Variants in CBL observed in about 807,000 individuals in gnomAD.
The protein encoded by CBL is Cbl proto-oncogene, also known as E3 ubiquitin-protein ligase CBL.
Under a neutral mutation model 96.9 loss-of-function variants are expected in CBL, and 45 were observed. That is an observed-to-expected ratio of 0.46 (90% confidence interval 0.37 to 0.60). The LOEUF (loss-of-function observed/expected upper bound fraction) is 0.60. CBL is among the 20% of genes least tolerant of loss of function. CBL has a pLI of 0.00. For missense variants in CBL, 1,024 were observed against 1,143.5 expected, an observed-to-expected ratio of 0.90 and a Z score of 1.51; for synonymous variants, 420 against 426.8, an observed-to-expected ratio of 0.98 and a Z score of 0.20.
At chr11:119,224,707 C>T (rs1212426086) in intron 1 of CBL, among the ~76,000 whole-genome samples, 1 of 152,050 alleles carries the variant, frequency 6.6e-6, no homozygotes, top group Non-Finnish European at 1.5e-5. Flanking sequence ...TCTCCTGCGT[C>T]AGCCTCCTGA....
At chr11:119,280,961 TC>T (rs1426058798) in intron 9 of CBL, among the ~76,000 whole-genome samples, 1 of 152,254 alleles carries the variant, frequency 6.6e-6, no homozygotes. Context: ...TTTCTGCTTT[TC>T]CTGGTATAAT....
intron 9 of CBL, among the ~76,000 whole-genome samples, chr11:119,282,332 C>A (rs1355045162): frequency 6.7e-6 from 1 of 149,204 alleles, no homozygotes; most frequent in African/African-American, 2.5e-5. Flanking sequence ...GAGTGAGACT[C>A]CATCTCAAAA....
At position 119,306,037 on chromosome 11, in the gene CBL, C is replaced by T. The variant is rs1197845124; in HGVS notation, c.*6256C>T. 7 of 366,200 alleles carry T rather than the reference C, an allele frequency of 1.9e-5. No homozygotes were observed. The highest frequency in any genetic ancestry group is 1.5e-4 in the African/African-American group (7 of 48,058). The allele number at this position is 366,200 out of a possible 1,614,324, so 22.7% of individuals were successfully genotyped here. On this transcript the variant is annotated 3_prime_UTR_variant, in exon 16 of 16. Coordinates refer to ENST00000264033, the MANE Select transcript of CBL (RefSeq NM_005188.4). ...CAGTGCCATGTGCCTTCACTGTGTC[C>T]CAGGAAATCTGGGTTGGTTCCAGTG... is the stretch of plus-strand genomic sequence containing the variant.
intron 2 of CBL, among the ~76,000 whole-genome samples, chr11:119,266,643 C>T (rs771652886): frequency 1.3e-5 from 2 of 151,960 alleles, no homozygotes; most frequent in African/African-American, 4.8e-5. Context: ...AAAAAAGATA[C>T]TGCATACAGA....
chr11:119,211,925 T>G (rs1204737859), intron 1 of CBL, among the ~76,000 whole-genome samples: 1 of 152,126 alleles, frequency 6.6e-6, no homozygotes, highest in Non-Finnish European at 1.5e-5. Context: ...TTTTATTTTT[T>G]TTATTATTTT....
intron 2 of CBL, among the ~76,000 whole-genome samples, chr11:119,238,098 C>G (rs1949558702): frequency 6.6e-6 from 1 of 152,040 alleles, no homozygotes; most frequent in Admixed American, 6.6e-5. Context: ...TCTTGAACTC[C>G]TGACCTCAAG....
chr11:119,276,868 A>G (rs1398872009), intron 6 of CBL, among the ~76,000 whole-genome samples: 1 of 152,212 alleles, frequency 6.6e-6, no homozygotes, highest in Non-Finnish European at 1.5e-5. Context: ...CTTAATTTGC[A>G]TATTGTTACA....
intron 1 of CBL, among the ~76,000 whole-genome samples, chr11:119,225,192 G>C (rs1445116790): frequency 6.6e-6 from 1 of 151,942 alleles, no homozygotes; most frequent in Non-Finnish European, 1.5e-5. Context: ...CACCTCCCGG[G>C]TTCATGCAAT....
intron 6 of CBL, among the ~76,000 whole-genome samples, chr11:119,276,916 G>A (rs1176210768): frequency 6.6e-6 from 1 of 152,112 alleles, no homozygotes; most frequent in Middle Eastern, 3.2e-3. Flanking sequence ...TCTTAAACCT[G>A]TAAACCTTCT....
At chr11:119,257,761 C>T (rs939460425) in intron 2 of CBL, among the ~76,000 whole-genome samples, 5 of 151,936 alleles carry the variant, frequency 3.3e-5, no homozygotes, top group African/African-American at 1.2e-4. Flanking sequence ...CATTCTTCTA[C>T]ATGTGGCTAT....
intron 12 of CBL, 88 bp downstream of exon 12, chr11:119,288,034 G>A: frequency 3.5e-6 from 3 of 847,162 alleles, no homozygotes; most frequent in Non-Finnish European, 6.0e-6. Context: ...CCAGAAAAGT[G>A]TAAAAAAGAA....
At chr11:119,220,093 T>A (rs1650568333) in intron 1 of CBL, among the ~76,000 whole-genome samples, 1 of 152,046 alleles carries the variant, frequency 6.6e-6, no homozygotes, top group Admixed American at 6.6e-5. Context: ...TGTGACCTTG[T>A]GATCCACCCA....
Position 119,278,385 on chromosome 11 carries a change from C to G in CBL, c.1227+88C>G, listed in dbSNP as rs554251384. 35 of 1,557,288 alleles carry G rather than the reference C, an allele frequency of 2.2e-5. No individual in the cohort carries two copies. The East Asian group carries it at 7.2e-4, about 32-fold the overall frequency. ...TAGCCTTTACTGATACAAGGGGTGG[C>G]CTGGCTTTTGGGGTTAGGTTTAAAC... On this transcript the variant is annotated intron_variant, in intron 8 of 15. Transcript: ENST00000264033.
At chr11:119,272,716 A>G (rs1001000259) in intron 3 of CBL, among the ~76,000 whole-genome samples, 3 of 152,064 alleles carry the variant, frequency 2.0e-5, no homozygotes, top group African/African-American at 7.2e-5. Context: ...GCTTCTTCTC[A>G]CCTTTATGAC....
At chr11:119,222,389 A>G (rs996734447) in intron 1 of CBL, among the ~76,000 whole-genome samples, 4 of 152,162 alleles carry the variant, frequency 2.6e-5, no homozygotes, top group Admixed American at 6.6e-5. Context: ...TCTATTGACC[A>G]TTGAGTCTTG....
Position 119,232,605 on chromosome 11 carries a change from T to A in CBL, c.353T>A (p.Phe118Tyr). The A allele has an allele frequency of 3.7e-6, 6 of 1,614,052 alleles. No individual in the cohort carries two copies. The highest frequency in any genetic ancestry group is 5.1e-6 in the Non-Finnish European group (6 of 1,179,952). ...GGAGAAAATGAGTATTTTAGGGTGT[T>A]TATGGAGAATTTGATGAAGAAAACT... is the stretch of plus-strand genomic sequence containing the variant. ...TLGENEYFRV[F>Y]MENLMKKTKQ... Residue 118 changes from phenylalanine (F) to tyrosine (Y), a missense_variant, in exon 2 of 16, where the codon TTT becomes TAT. Coordinates refer to ENST00000264033, the MANE Select transcript of CBL (RefSeq NM_005188.4).
intron 12 of CBL, among the ~76,000 whole-genome samples, chr11:119,292,864 C>A (rs536212): frequency 6.6e-6 from 1 of 152,098 alleles, no homozygotes; most frequent in Non-Finnish European, 1.5e-5. Context: ...TACAGTTGCT[C>A]CTCAACTTAA....
intron 2 of CBL, among the ~76,000 whole-genome samples, chr11:119,237,979 C>T (rs942885507): frequency 6.6e-6 from 1 of 151,642 alleles, no homozygotes; most frequent in Non-Finnish European, 1.5e-5. Context: ...TCAAGCGAGT[C>T]TCCTGCCTCA....
At chr11:119,249,507 A>G (rs1949655187) in intron 2 of CBL, among the ~76,000 whole-genome samples, 2 of 149,354 alleles carry the variant, frequency 1.3e-5, no homozygotes, top group Admixed American at 1.3e-4. Flanking sequence ...GTGAGGTGAG[A>G]CGCCACTGCA....
Sources: gnomAD v4.1 joint callset for allele counts (sites outside exome capture counted in the v4.1 genomes callset) on GRCh38, gnomAD v4.1.1 for gene constraint, MANE v1.5 for transcripts, NCBI Gene and HGNC (gene_info 2026-07-23, HGNC 2026-07-21) for gene names.